LARGE1: variants seen among roughly 807,000 people sequenced by gnomAD.
The protein encoded by LARGE1 is xylosyl- and glucuronyltransferase LARGE1.
LARGE1 carries 43 observed loss-of-function variants against 87.6 expected under a neutral mutation model. The observed-to-expected ratio is 0.49, with a 90% confidence interval of 0.38 to 0.63. LARGE1 has a LOEUF of 0.63. Among genes scored for constraint, LARGE1 ranks in the 30% least tolerant of loss-of-function variants. The probability of loss-of-function intolerance (pLI) is 0.00; values close to 1 mark genes in which losing one functional copy is unlikely to be tolerated. For synonymous variants in LARGE1, 434 were observed against 394.6 expected (o/e 1.10, Z -1.18); for missense variants, 802 against 1,000.2 (o/e 0.80, Z 2.67).
intron 14 of LARGE1, among the ~76,000 whole-genome samples, chr22:33,275,049 C>G (rs1205225046): frequency 6.6e-6 from 1 of 152,156 alleles, no homozygotes; most frequent in Non-Finnish European, 1.5e-5. Context: ...TTTATGATTC[C>G]TCATAGGACT....
At chr22:33,376,635 G>A (rs1267008040) in intron 9 of LARGE1, among the ~76,000 whole-genome samples, 1 of 152,116 alleles carries the variant, frequency 6.6e-6, no homozygotes, top group African/African-American at 2.4e-5. Flanking sequence ...TAGGATAATG[G>A]TCATTTTGTT....
At chr22:33,896,858 A>C (rs1212695672) in intron 1 of LARGE1, among the ~76,000 whole-genome samples, 4 of 152,158 alleles carry the variant, frequency 2.6e-5, no homozygotes, top group African/African-American at 9.7e-5. Context: ...GCTCTCCCCC[A>C]GCTGTGCTAC....
intron 5 of LARGE1, chr22:33,572,277 G>A (rs2078228970): frequency 4.9e-6 from 5 of 1,014,194 alleles, no homozygotes; most frequent in South Asian, 1.5e-5. Flanking sequence ...GGTTGTCTTG[G>A]CAACCAACCT....
the LARGE1 span, among the ~76,000 whole-genome samples, chr22:33,104,803 C>T: frequency 3.9e-5 from 6 of 152,338 alleles, no homozygotes; most frequent in East Asian, 1.2e-3. Context: ...GGCTCCTTCC[C>T]TACAGTTCCC....
intron 5 of LARGE1, among the ~76,000 whole-genome samples, chr22:33,570,990 A>G (rs563778828): frequency 6.6e-6 from 1 of 152,218 alleles, no homozygotes; most frequent in African/African-American, 2.4e-5. Flanking sequence ...CACCTGGCAG[A>G]GTAATATCCC....
chr22:33,617,845 C>G (rs1040914751), intron 4 of LARGE1, among the ~76,000 whole-genome samples: 1 of 152,172 alleles, frequency 6.6e-6, no homozygotes, highest in Non-Finnish European at 1.5e-5. Context: ...CTCTGGTTTC[C>G]TTAACTGCTC....
At chr22:33,453,217 C>T (rs2068007834) in intron 6 of LARGE1, among the ~76,000 whole-genome samples, 1 of 152,064 alleles carries the variant, frequency 6.6e-6, no homozygotes, top group Non-Finnish European at 1.5e-5. Context: ...GAGTTCGAGA[C>T]CAGCCTGGCC....
At chr22:33,708,716 G>A (rs1445425271) in intron 2 of LARGE1, among the ~76,000 whole-genome samples, 2 of 152,120 alleles carry the variant, frequency 1.3e-5, no homozygotes, top group Non-Finnish European at 2.9e-5. Context: ...TTCTCCTGCC[G>A]CAGCCTCCTG....
At chr22:33,245,613 A>G (rs1926719054) in intron 11 of LARGE1, among the ~76,000 whole-genome samples, 1 of 152,178 alleles carries the variant, frequency 6.6e-6, no homozygotes. Context: ...ACGTCTTTTG[A>G]AAGCTCTGCT....
At chr22:33,919,334 G>A (rs1045085978) in intron 1 of LARGE1, among the ~76,000 whole-genome samples, 3 of 152,172 alleles carry the variant, frequency 2.0e-5, no homozygotes, top group East Asian at 3.9e-4. Context: ...AATAACTTGA[G>A]GATACACAAA....
At chr22:33,814,665 C>T (rs1314486676) in intron 1 of LARGE1, among the ~76,000 whole-genome samples, 2 of 152,146 alleles carry the variant, frequency 1.3e-5, no homozygotes, top group Non-Finnish European at 2.9e-5. Context: ...GTGTAACCTA[C>T]CCACAACTTT....
chr22:33,355,770 G>A (rs111278267), intron 9 of LARGE1, among the ~76,000 whole-genome samples: 4 of 59,264 alleles, frequency 6.7e-5, no homozygotes, highest in East Asian at 9.6e-4. Flanking sequence ...GTCCATGGTC[G>A]CCAAATACTG....
intron 11 of LARGE1, chr22:33,305,731 T>C (rs1381376540): frequency 3.8e-6 from 1 of 264,346 alleles, no homozygotes; most frequent in Admixed American, 6.5e-5. Flanking sequence ...CCAGATTTGC[T>C]TCCTCGTTCA....
chr22:33,799,817 G>C (rs1047356538), intron 1 of LARGE1, among the ~76,000 whole-genome samples: 10 of 152,152 alleles, frequency 6.6e-5, no homozygotes, highest in Non-Finnish European at 1.3e-4. Flanking sequence ...TTGTGTATTG[G>C]TATGGGGACA....
intron 1 of LARGE1, among the ~76,000 whole-genome samples, chr22:33,848,254 C>T (rs2063488836): frequency 6.6e-6 from 1 of 152,102 alleles, no homozygotes; most frequent in Admixed American, 6.5e-5. Context: ...AATCTTTCGC[C>T]CAGCACATCT....
intron 11 of LARGE1, among the ~76,000 whole-genome samples, chr22:33,251,870 A>G (rs1016497342): frequency 6.6e-6 from 1 of 152,164 alleles, no homozygotes; most frequent in Admixed American, 6.5e-5. Context: ...ACCTCTGTCT[A>G]TGGTGATCTA....
intron 6 of LARGE1, among the ~76,000 whole-genome samples, chr22:33,492,011 A>G (rs931163377): frequency 1.3e-5 from 2 of 152,252 alleles, no homozygotes; most frequent in Admixed American, 6.5e-5. Flanking sequence ...AAATAGAAAG[A>G]TACAAAAGTA....
rs2082618263 is a variant in LARGE1 at position 33,708,187 on chromosome 22, T to C, written c.106+53184A>G. Among the ~76,000 whole-genome samples the C allele has an allele frequency of 2.6e-5, 4 of 151,746 alleles. No individual in the cohort carries two copies. In the South Asian group the frequency reaches 8.3e-4, roughly 32 times the overall value. ...TTTTCAACCAAGCTTGGCACTGTCGTGAGTCCAGCCTCCACGGACTGAATA... is the reference window on the plus strand; with the variant it reads ...TTTTCAACCAAGCTTGGCACTGTCGCGAGTCCAGCCTCCACGGACTGAATA... On this transcript the variant is annotated intron_variant, in intron 2 of 14. Coordinates refer to ENST00000397394, the MANE Select transcript of LARGE1 (RefSeq NM_133642.5).
intron 2 of LARGE1, chr22:33,724,142 T>C (rs2083193963): frequency 6.5e-6 from 1 of 152,708 alleles, no homozygotes; most frequent in Admixed American, 6.5e-5. Flanking sequence ...AGCACGAGTG[T>C]GCAAGGAAAC....
Sources: gnomAD v4.1 joint callset for allele counts (sites outside exome capture counted in the v4.1 genomes callset) on GRCh38, gnomAD v4.1.1 for gene constraint, MANE v1.5 for transcripts, NCBI Gene and HGNC (gene_info 2026-07-23, HGNC 2026-07-21) for gene names.